The following MGST1 variants were observed in gnomAD, a reference collection of about 807,000 sequenced individuals.
MGST1 encodes glutathione S-transferase 12.
In MGST1, 5 loss-of-function variants were observed where a neutral mutation model predicts 8.9. The ratio of observed to expected loss-of-function variants is 0.56; its 90% CI spans 0.29 to 1.19. MGST1 has a LOEUF of 1.19. Ranked by LOEUF, MGST1 falls within the 50% of genes most tolerant of loss-of-function variation. The pLI is 0.08. For synonymous variants in MGST1, 54 were observed against 67.8 expected, an observed-to-expected ratio of 0.80 and a Z score of 1.00; for missense variants, 182 against 187.4, an observed-to-expected ratio of 0.97 and a Z score of 0.17.
chr12:16,415,024 CA>C (rs938670768), intron 1 of MGST1, among the ~76,000 whole-genome samples: 1 of 151,896 alleles, frequency 6.6e-6, no homozygotes, highest in African/African-American at 2.4e-5. Context: ...AACTTCGCCT[CA>C]AAAAATTTTT....
chr12:16,485,815 TA>T (rs1941395873), intron 4 of MGST1, among the ~76,000 whole-genome samples: 1 of 152,180 alleles, frequency 6.6e-6, no homozygotes, highest in Admixed American at 6.5e-5. Flanking sequence ...AAGGAAAATC[TA>T]AAAATTTTTG....
intron 4 of MGST1, among the ~76,000 whole-genome samples, chr12:16,565,227 G>T (rs1181592735): frequency 6.6e-6 from 1 of 152,196 alleles, no homozygotes; most frequent in East Asian, 1.9e-4. Flanking sequence ...CAATTGAAAA[G>T]ATTTTTAACT....
In MGST1 at chr12:16,363,180, C is replaced by A. The variant is rs539810770; in HGVS notation, c.222-615C>A. The stretch of plus-strand genomic sequence containing the variant: ...TGTAGTTTTGCACCATCATTCCTAA[C>A]GAATTTATTTGGCATTTGGAAGATA... On this transcript the variant is annotated intron_variant, in intron 3 of 3. Coordinates refer to ENST00000396210, the MANE Select transcript of MGST1 (RefSeq NM_020300.5). The surrounding 1 kb of genome is among the most constrained non-coding windows in gnomAD (Gnocchi z 4.6). 1 of 152,166 alleles carries A rather than the reference C, an allele frequency of 6.6e-6. No homozygotes were observed. The highest frequency in any genetic ancestry group is 2.4e-5 in the African/African-American group (1 of 41,520). 9.4% of individuals were successfully genotyped at this position (152,166 alleles called of 1,614,324 possible). A position where few individuals can be genotyped will look rare whatever the true frequency, so the allele number is the denominator to read the frequency against.
intron 1 of MGST1, chr12:16,400,566 A>G: frequency 1.1e-6 from 1 of 910,608 alleles, no homozygotes; most frequent in Non-Finnish European, 1.9e-6. Flanking sequence ...TAATTCGGAA[A>G]GCATTCTGAA....
intron 3 of MGST1, among the ~76,000 whole-genome samples, chr12:16,359,412 C>T (rs1371666095): frequency 6.6e-6 from 1 of 152,214 alleles, no homozygotes; most frequent in Non-Finnish European, 1.5e-5. Context: ...TGTGCAGATA[C>T]TTAGCACAAA....
At chr12:16,364,472 T>C (rs1170665397), downstream of MGST1, 7 of 888,594 alleles carry the variant, frequency 7.9e-6, no homozygotes, top group Non-Finnish European at 9.4e-6. This position sits in a 1 kb window ranked among gnomAD's most constrained non-coding sequence, Gnocchi z 5.7. Context: ...TAGGGTAAAG[T>C]TGAAAAATAG....
At chr12:16,477,405 G>T (rs1470719387) in intron 4 of MGST1, among the ~76,000 whole-genome samples, 1 of 152,112 alleles carries the variant, frequency 6.6e-6, no homozygotes, top group Non-Finnish European at 1.5e-5. Context: ...CATGTTAAAT[G>T]CATGTGATAG....
chr12:16,485,485 G>A (rs1422301843), intron 4 of MGST1, among the ~76,000 whole-genome samples: 5 of 152,120 alleles, frequency 3.3e-5, no homozygotes, highest in African/African-American at 1.2e-4. Context: ...TGTGAACTAT[G>A]TTTTAATCCA....
chr12:16,349,188 CAG>C (rs1364601877), intron 1 of MGST1: 1 of 152,160 alleles, frequency 6.6e-6, no homozygotes, highest in African/African-American at 2.4e-5. Flanking sequence ...TACAAAATTG[CAG>C]AGTCATGGCC....
At chr12:16,417,177 T>C (rs6488845) in intron 1 of MGST1, among the ~76,000 whole-genome samples, 50,863 of 152,004 alleles carry the variant, frequency 0.33, 8,591 homozygotes, top group East Asian at 0.4. Flanking sequence ...CAGTTCCACA[T>C]GGCTGGGAAG....
rs1286151054 is a variant in MGST1 at position 16,482,370 on chromosome 12, C to T, written n.482+98766C>T. The stretch of plus-strand genomic sequence containing the variant: ...AGCAAGGGCCGGGTGCAGTGGCTCA[C>T]GCCTGTAATCTTAGCACTTTAGGAG... On this transcript the variant is annotated intron_variant and non_coding_transcript_variant, in intron 4 of 4. Coordinates refer to the MGST1 transcript ENST00000538857. This position sits in a 1 kb window ranked among gnomAD's most constrained non-coding sequence, Gnocchi z 4.2. Among the ~76,000 whole-genome samples, 1 of 152,268 alleles carries T rather than the reference C, an allele frequency of 6.6e-6. No individual in the cohort carries two copies. Among genetic ancestry groups the T allele is most frequent in the South Asian group, 2.1e-4 (1 of 4,830 alleles).
downstream of MGST1, among the ~76,000 whole-genome samples, chr12:16,443,512 G>A (rs544155333): frequency 2.5e-4 from 38 of 150,528 alleles, 1 homozygote; most frequent in South Asian, 8.0e-3. Context: ...ATAACTTTTA[G>A]TATCATTGTT....
rs1214221810 is a variant in MGST1, at chr12:16,548,995, T to C, written n.483-40533T>C. On this transcript the variant is annotated intron_variant and non_coding_transcript_variant, in intron 4 of 4. Coordinates refer to the MGST1 transcript ENST00000538857. This position sits in a 1 kb window ranked among gnomAD's most constrained non-coding sequence, Gnocchi z 4.2. ...ACAACTTCAAGAAGCTGAGAGAAGT[T>C]TGTTCCCAATTTACAAGTATTTTGA... 1.3e-5 allele frequency: 2 copies of C among 152,172 alleles called. No homozygotes were observed. The highest frequency in any genetic ancestry group is 6.5e-5 in the Admixed American group (1 of 15,268). The allele number at this position is 152,172 out of a possible 1,614,324, so 9.4% of individuals were successfully genotyped here.
intron 1 of MGST1, among the ~76,000 whole-genome samples, chr12:16,393,395 G>C (rs1940570928): frequency 1.3e-5 from 2 of 152,222 alleles, no homozygotes; most frequent in African/African-American, 4.8e-5. Flanking sequence ...GGGAGGAATA[G>C]CCACACTCTC....
At chr12:16,416,818 G>A (rs1202089106) in intron 1 of MGST1, among the ~76,000 whole-genome samples, 1 of 152,178 alleles carries the variant, frequency 6.6e-6, no homozygotes, top group African/African-American at 2.4e-5. Context: ...AAAGATTGGA[G>A]CAATTTGGTT....
At chr12:16,494,199 A>C (rs1038539214) in intron 4 of MGST1, among the ~76,000 whole-genome samples, 1 of 152,110 alleles carries the variant, frequency 6.6e-6, no homozygotes, top group African/African-American at 2.4e-5. Flanking sequence ...TAAAACAAAA[A>C]CCACTGTCCT....
At chr12:16,381,565 T>C (rs1028199460), downstream of MGST1, among the ~76,000 whole-genome samples, 3 of 152,216 alleles carry the variant, frequency 2.0e-5, no homozygotes, top group Non-Finnish European at 4.4e-5. Context: ...CTCTGGCTGC[T>C]CTTAACATTT....
rs3029719 is a variant in MGST1 at position 16,544,221 on chromosome 12, T to TACACACACACACACACACAC, written n.483-45283_483-45264dup. ...TTAAATTGACACCTTAAGTAAGAAC[T>TACACACACACACACACACAC]ACACACACACACACACACACACACA... On this transcript the variant is annotated intron_variant and non_coding_transcript_variant, in intron 4 of 4. Coordinates refer to the MGST1 transcript ENST00000538857. The surrounding 1 kb of genome is among the most constrained non-coding windows in gnomAD (Gnocchi z 4.8). Among the ~76,000 whole-genome samples, 1 of 138,794 alleles carries TACACACACACACACACACAC rather than the reference T, an allele frequency of 7.2e-6. No individual in the cohort carries two copies. Among genetic ancestry groups the TACACACACACACACACACAC allele is most frequent in the Non-Finnish European group, 1.6e-5 (1 of 64,128 alleles). The allele number at this position is 138,794 out of a possible 152,430, so 91.1% of individuals were successfully genotyped here.
In MGST1 at chr12:16,354,350, C is replaced by A; in HGVS notation, c.98C>A (p.Ala33Glu). The change falls in exon 2 of 4, where the codon GCA (alanine) becomes GAA (glutamate). Residue 33 changes from alanine (A) to glutamate (E), a missense_variant. Coordinates refer to ENST00000396210, the MANE Select transcript of MGST1 (RefSeq NM_020300.5). ...TCAAAAATGATGCTTATGAGTACTG[C>A]AACTGCATTCTATAGATTGACAAGA... ...ILSKMMLMSTATAFYRLTRKV... is the reference protein window; with the variant it reads ...ILSKMMLMSTETAFYRLTRKV... 2.5e-6 allele frequency: 4 copies of A among 1,603,504 alleles called. No homozygotes were observed. The highest frequency in any genetic ancestry group is 1.7e-4 in the Middle Eastern group (1 of 6,042).
Sources: gnomAD v4.1 joint callset for allele counts (sites outside exome capture counted in the v4.1 genomes callset) on GRCh38, gnomAD v4.1.1 for gene constraint, Gnocchi (gnomAD v3.1) non-coding constraint, MANE v1.5 for transcripts, NCBI Gene and HGNC (gene_info 2026-07-23, HGNC 2026-07-21) for gene names.